GLYR1: variants seen among roughly 807,000 people sequenced by gnomAD.
GLYR1 encodes glyoxylate reductase 1 homolog.
Under a neutral mutation model 72.7 loss-of-function variants are expected in GLYR1, and 21 were observed. That is an observed-to-expected ratio of 0.29 (90% CI 0.20 to 0.42). The LOEUF (loss-of-function observed/expected upper bound fraction) is 0.42, where lower values mean the gene tolerates loss of function less well. GLYR1 is among the 10% of genes least tolerant of loss of function. The probability of loss-of-function intolerance (pLI) is 1.00; values close to 1 mark genes in which losing one functional copy is unlikely to be tolerated. For synonymous variants in GLYR1, 392 were observed against 270.2 expected, an observed-to-expected ratio of 1.45 and a Z score of -4.42; for missense variants, 594 against 712.1, an observed-to-expected ratio of 0.83 and a Z score of 1.89.
chr16:4,810,509 CA>C (rs1354126114), intron 15 of GLYR1, among the ~76,000 whole-genome samples: 1 of 144,062 alleles, frequency 6.9e-6, no homozygotes, highest in African/African-American at 2.6e-5. Context: ...GACTCTGTCT[CA>C]AAAAAAAGAA....
chr16:4,832,385 T>G, intron 4 of GLYR1, 164 bp from the exon 5 acceptor site: 1 of 819,724 alleles, frequency 1.2e-6, no homozygotes. Flanking sequence ...GAGAAGCAGA[T>G]TTAAAAAATA....
intron 2 of GLYR1, 118 bp downstream of exon 2, chr16:4,846,056 G>T: frequency 1.9e-6 from 2 of 1,077,484 alleles, no homozygotes; most frequent in Non-Finnish European, 1.4e-6. Context: ...AAAATTCTAA[G>T]TGCCATCTGA....
At chr16:4,813,411 G>C (rs1328587058) in intron 12 of GLYR1, among the ~76,000 whole-genome samples, 1 of 152,182 alleles carries the variant, frequency 6.6e-6, no homozygotes, top group Non-Finnish European at 1.5e-5. Flanking sequence ...CAGATGCTCG[G>C]GGAGGAGGGA....
At position 4,807,085 on chromosome 16, in the gene GLYR1, C is replaced by A. The variant is rs377014867; in HGVS notation, c.1588-1775G>T. 2.2e-5 allele frequency among the ~76,000 whole-genome samples: 3 copies of A among 138,246 alleles called. No homozygotes were observed. In the East Asian group the frequency reaches 6.8e-4, roughly 31 times the overall value. 90.7% of individuals were successfully genotyped at this position (138,246 alleles called of 152,430 possible). A position where few individuals can be genotyped will look rare whatever the true frequency, so the allele number is the denominator to read the frequency against. ...CCTCCCAAAGTGCTGGGATTACAGGCGTGAGCCACTGCGCCTGGCCCCTTT... is the reference window on the plus strand; with the variant it reads ...CCTCCCAAAGTGCTGGGATTACAGGAGTGAGCCACTGCGCCTGGCCCCTTT... On this transcript the variant is annotated intron_variant, in intron 15 of 15. Transcript: ENST00000321919.
rs770771102 is a variant in GLYR1 at position 4,817,584 on chromosome 16, C to A, written c.906+14G>T. 2.6e-6 allele frequency: 4 copies of A among 1,539,642 alleles called. No individual in the cohort carries two copies. The highest frequency in any genetic ancestry group is 2.7e-5 in the African/African-American group (2 of 73,468). On this transcript the variant is annotated intron_variant, in intron 10 of 15. Transcript: ENST00000321919. ...ACTCCACCGATCCAACAGGCACCACCCCTGAATGCTTACTTTCTCTGCAGT... is the reference window on the plus strand; with the variant it reads ...ACTCCACCGATCCAACAGGCACCACACCTGAATGCTTACTTTCTCTGCAGT...
chr16:4,827,751 T>C (rs945920624), intron 5 of GLYR1, among the ~76,000 whole-genome samples: 1 of 151,886 alleles, frequency 6.6e-6, no homozygotes, highest in Non-Finnish European at 1.5e-5. Context: ...ACACAAAAAA[T>C]TAGCCGGGCG....
intron 9 of GLYR1, among the ~76,000 whole-genome samples, chr16:4,819,711 C>T (rs1032026394): frequency 4.6e-5 from 7 of 152,200 alleles, no homozygotes; most frequent in African/African-American, 1.4e-4. Context: ...CTGGAACCAT[C>T]TCTACAAATG....
intron 7 of GLYR1, among the ~76,000 whole-genome samples, chr16:4,822,411 GAC>G (rs772968504): frequency 2.0e-5 from 3 of 151,722 alleles, no homozygotes; most frequent in Non-Finnish European, 4.4e-5. Context: ...TCTTTTTTGA[GAC>G]AGAGTCTTAC....
chr16:4,829,377 G>T (rs1246028601), intron 5 of GLYR1, among the ~76,000 whole-genome samples: 1 of 149,776 alleles, frequency 6.7e-6, no homozygotes, highest in Non-Finnish European at 1.5e-5. Context: ...GGAATTGTAG[G>T]TCACTACAGC....
rs530553039 is a variant in GLYR1, at chr16:4,841,415, G to C, written c.155+3659C>G. Among the ~76,000 whole-genome samples, 9 of 117,950 alleles carry C rather than the reference G, an allele frequency of 7.6e-5. No homozygotes were observed. The South Asian group carries it at 2.7e-3, about 36-fold the overall frequency. 77.4% of individuals were successfully genotyped at this position (117,950 alleles called of 152,430 possible). On this transcript the variant is annotated intron_variant, in intron 3 of 15. Transcript: ENST00000321919. ...GTGGGAGGATCACTTGAGCCCAGGA[G>C]TTTGCGACCAGCCTGGGAAACATGG...
intron 11 of GLYR1, 149 bp downstream of exon 11, chr16:4,814,388 C>CA: frequency 1.5e-6 from 1 of 659,544 alleles, no homozygotes; most frequent in Non-Finnish European, 2.7e-6. Context: ...TTAATGCAAA[C>CA]ACCCTTCACA....
intron 15 of GLYR1, among the ~76,000 whole-genome samples, chr16:4,810,358 G>A (rs930528302): frequency 6.6e-6 from 1 of 151,360 alleles, no homozygotes; most frequent in African/African-American, 2.4e-5. Flanking sequence ...TTAGCAGGGC[G>A]GGTTGGGGCA....
Position 4,804,061 on chromosome 16 carries a change from G to A in GLYR1, c.*1175C>T, listed in dbSNP as rs985810899. ...ACAGACCCCGGGCCCGGGAAGCACC[G>A]AAGACCATGATGCTGGCTGGAGTGA... On this transcript the variant is annotated 3_prime_UTR_variant, in exon 16 of 16. Coordinates refer to ENST00000321919, the MANE Select transcript of GLYR1 (RefSeq NM_032569.4). The A allele has an allele frequency of 4.6e-5, 7 of 152,262 alleles. No individual in the cohort carries two copies. Among genetic ancestry groups the A allele is most frequent in the Admixed American group, 1.3e-4 (2 of 15,266 alleles). 9.4% of individuals were successfully genotyped at this position (152,262 alleles called of 1,614,324 possible). A position where few individuals can be genotyped will look rare whatever the true frequency, so the allele number is the denominator to read the frequency against.
chr16:4,822,442 G>C (rs1044035337), intron 7 of GLYR1, among the ~76,000 whole-genome samples: 1 of 151,994 alleles, frequency 6.6e-6, no homozygotes, highest in African/African-American at 2.4e-5. Flanking sequence ...CCAGTCTGGA[G>C]TGCAGCGACG....
intron 3 of GLYR1, among the ~76,000 whole-genome samples, chr16:4,833,886 GC>G (rs1424833918): frequency 1.3e-5 from 2 of 152,160 alleles, no homozygotes; most frequent in African/African-American, 4.8e-5. Context: ...AATTTTATAG[GC>G]TTTACAAGGT....
At chr16:4,831,738 T>A (rs2084813654) in intron 5 of GLYR1, among the ~76,000 whole-genome samples, 1 of 152,134 alleles carries the variant, frequency 6.6e-6, no homozygotes, top group African/African-American at 2.4e-5. Flanking sequence ...AGTGGTGCAA[T>A]CGGCTCAATG....
rs1567842872 is a variant in GLYR1, at chr16:4,846,219, AAC to A, written c.39-11_39-10del. The A allele has an allele frequency of 1.2e-6, 2 of 1,613,914 alleles. No individual in the cohort carries two copies. Among genetic ancestry groups the A allele is most frequent in the Admixed American group, 3.3e-5 (2 of 60,022 alleles). On this transcript the variant is annotated splice_polypyrimidine_tract_variant and intron_variant, in intron 1 of 15. Coordinates refer to ENST00000321919, the MANE Select transcript of GLYR1 (RefSeq NM_032569.4). ...ATCGGCCGAGTTTCCCCCTAGAGAA[AAC>A]ACAAAGAGTCAACACTTGCCCTGCA...
rs774362220 is a variant in GLYR1 at position 4,832,822 on chromosome 16, C to G, written c.246G>C (p.Ala82=). 1 of 1,613,502 alleles carries G rather than the reference C, an allele frequency of 6.2e-7. No individual in the cohort carries two copies. The highest frequency in any genetic ancestry group is 8.5e-7 in the Non-Finnish European group (1 of 1,179,790). The change falls in exon 4 of 16, where the codon GCG becomes GCC. Residue 82 remains alanine, a synonymous_variant. Coordinates refer to ENST00000321919, the MANE Select transcript of GLYR1 (RefSeq NM_032569.4). Reference sequence around the variant, plus strand: ...TGAGGAACTCTTCGACAGCATCTACCGCTTGCTGGAATCGTTTACCCTTGT... The same window carrying G: ...TGAGGAACTCTTCGACAGCATCTACGGCTTGCTGGAATCGTTTACCCTTGT... ...KINKGKRFQQ[A]VDAVEEFLRR...
intron 10 of GLYR1, among the ~76,000 whole-genome samples, chr16:4,817,212 C>T (rs1279170089): frequency 4.0e-5 from 6 of 151,834 alleles, no homozygotes; most frequent in East Asian, 3.9e-4. Flanking sequence ...CTCTGCCTCC[C>T]GGGTTCATGC....
Sources: gnomAD v4.1 joint callset for allele counts (sites outside exome capture counted in the v4.1 genomes callset) on GRCh38, gnomAD v4.1.1 for gene constraint, MANE v1.5 for transcripts, NCBI Gene and HGNC (gene_info 2026-07-23, HGNC 2026-07-21) for gene names.